Variants in QTMAN observed in about 807,000 individuals in gnomAD.
QTMAN encodes the protein tRNA-queuosine alpha-mannosyltransferase.
At chr2:144,144,626 C>A in the QTMAN span, among the ~76,000 whole-genome samples, 23 of 151,968 alleles carry the variant, frequency 1.5e-4, no homozygotes, top group African/African-American at 5.5e-4. Context: ...GAAGCAGTTG[C>A]ACTCTATTTT....
chr2:144,278,058 T>C, the QTMAN span, among the ~76,000 whole-genome samples: 1 of 152,166 alleles, frequency 6.6e-6, no homozygotes. Context: ...GTAATGATTC[T>C]TCTGGGGCCA....
chr2:144,224,960 C>T, the QTMAN span, among the ~76,000 whole-genome samples: 12 of 152,078 alleles, frequency 7.9e-5, no homozygotes, highest in South Asian at 1.2e-3. Flanking sequence ...GCAAGTTATA[C>T]GAATAGTTCA....
the QTMAN span, among the ~76,000 whole-genome samples, chr2:144,260,786 AATAAATACAAC>A: frequency 6.6e-6 from 1 of 152,242 alleles, no homozygotes; most frequent in South Asian, 2.1e-4. Context: ...AACCTGGAAG[AATAAATACAAC>A]ATAAATACAA....
At chr2:144,165,099 C>T in the QTMAN span, among the ~76,000 whole-genome samples, 3 of 152,214 alleles carry the variant, frequency 2.0e-5, no homozygotes, top group Non-Finnish European at 2.9e-5. Context: ...TGGCCAGGTG[C>T]GGTGGCTCAC....
At chr2:144,029,304 G>GA in the QTMAN span, among the ~76,000 whole-genome samples, 1 of 152,144 alleles carries the variant, frequency 6.6e-6, no homozygotes, top group Non-Finnish European at 1.5e-5. Flanking sequence ...GAGACTCCTG[G>GA]AAAAGTCCCA....
chr2:144,136,825 T>C, the QTMAN span, among the ~76,000 whole-genome samples: 1 of 152,304 alleles, frequency 6.6e-6, no homozygotes, highest in Admixed American at 6.5e-5. Context: ...TTGCAATACA[T>C]TCCAGTAGTA....
chr2:144,302,921 G>A, the QTMAN span, among the ~76,000 whole-genome samples: 5 of 152,246 alleles, frequency 3.3e-5, no homozygotes, highest in South Asian at 1.0e-3. Context: ...GGCCACCATG[G>A]TGAAACCCTG....
At chr2:143,970,355 CA>C in the QTMAN span, among the ~76,000 whole-genome samples, 3 of 152,212 alleles carry the variant, frequency 2.0e-5, no homozygotes, top group Non-Finnish European at 4.4e-5. Context: ...TATCCAATTA[CA>C]AATTCCCACT....
the QTMAN span, among the ~76,000 whole-genome samples, chr2:144,162,801 T>A: frequency 6.6e-6 from 1 of 152,128 alleles, no homozygotes; most frequent in Non-Finnish European, 1.5e-5. Flanking sequence ...CAGGTGTGCA[T>A]CTGAAGCTAA....
At chr2:144,274,768 T>G in the QTMAN span, among the ~76,000 whole-genome samples, 1 of 152,104 alleles carries the variant, frequency 6.6e-6, no homozygotes, top group Non-Finnish European at 1.5e-5. Context: ...TTTCCCTGAG[T>G]TCTGTAAGCC....
the QTMAN span, among the ~76,000 whole-genome samples, chr2:144,081,821 G>A: frequency 6.6e-6 from 1 of 152,134 alleles, no homozygotes; most frequent in East Asian, 1.9e-4. Context: ...GGATTCAAGA[G>A]GTCCAGAGAG....
chr2:144,249,010 C>T, the QTMAN span, among the ~76,000 whole-genome samples: 21 of 152,182 alleles, frequency 1.4e-4, no homozygotes, highest in Admixed American at 1.3e-3. Flanking sequence ...GTTTTTAGAA[C>T]ATTACTTACC....
the QTMAN span, among the ~76,000 whole-genome samples, chr2:144,020,496 T>C: frequency 6.6e-6 from 1 of 152,078 alleles, no homozygotes; most frequent in African/African-American, 2.4e-5. Flanking sequence ...TGTGACAAGG[T>C]AGAGGTTTAA....
At chr2:144,037,725 C>T in the QTMAN span, among the ~76,000 whole-genome samples, 38 of 151,986 alleles carry the variant, frequency 2.5e-4, no homozygotes, top group Non-Finnish European at 4.9e-4. Context: ...AAACAATTTT[C>T]TATTTTATGA....
chr2:144,138,793 T>TA, the QTMAN span, among the ~76,000 whole-genome samples: 20 of 152,128 alleles, frequency 1.3e-4, no homozygotes, highest in Non-Finnish European at 2.5e-4. Flanking sequence ...TGGAGTGTTC[T>TA]AAAAAAAGGA....
At chr2:144,319,736 C>T in the QTMAN span, 1 of 152,086 alleles carries the variant, frequency 6.6e-6, no homozygotes, top group Non-Finnish European at 1.5e-5. Context: ...ATTTCAGTAA[C>T]GGATTTTGGC....
At chr2:144,039,250 C>T in the QTMAN span, among the ~76,000 whole-genome samples, 1 of 152,096 alleles carries the variant, frequency 6.6e-6, no homozygotes, top group Non-Finnish European at 1.5e-5. Context: ...TGTGAATATT[C>T]ATTCACAGGG....
the QTMAN span, among the ~76,000 whole-genome samples, chr2:144,073,341 C>T: frequency 6.6e-6 from 1 of 151,624 alleles, no homozygotes; most frequent in Non-Finnish European, 1.5e-5. Context: ...ATTTGGCAAG[C>T]AATCTGTTTT....
the QTMAN span, among the ~76,000 whole-genome samples, chr2:144,292,892 A>G: frequency 6.6e-6 from 1 of 152,194 alleles, no homozygotes; most frequent in Non-Finnish European, 1.5e-5. Flanking sequence ...ATACTCACAA[A>G]TTATCAAGTA....
Sources: allele counts gnomAD v4.1 joint callset (sites outside exome capture counted in the v4.1 genomes callset), GRCh38; gene constraint gnomAD v4.1.1; transcripts MANE v1.5; gene names NCBI Gene and HGNC (gene_info 2026-07-23, HGNC 2026-07-21).